PEX16: variants seen among roughly 807,000 people sequenced by gnomAD.
The protein encoded by PEX16 is peroxisomal biogenesis factor 16, also known as peroxin 16.
Under a neutral mutation model 50.5 loss-of-function variants are expected in PEX16, and 37 were observed. That is an observed-to-expected ratio of 0.73 (90% CI 0.56 to 0.96). The LOEUF is 0.96. Among genes scored for constraint, PEX16 ranks in the 40% least tolerant of loss-of-function variants. The pLI is 0.00. For missense variants in PEX16, 401 were observed against 438.3 expected (o/e 0.91, Z 0.76); for synonymous variants, 185 against 190.3 (o/e 0.97, Z 0.23).
chr11:45,915,014 CCT>C (rs2086819690), intron 5 of PEX16, among the ~76,000 whole-genome samples: 1 of 152,268 alleles, frequency 6.6e-6, no homozygotes, highest in Admixed American at 6.5e-5. Flanking sequence ...GGGGCCGTCT[CCT>C]CTCAATCCTT....
chr11:45,916,291 G>C lies in PEX16; in HGVS notation c.161C>G (p.Ser54Cys), dbSNP rs779628910. 1 of 1,613,780 alleles carries C rather than the reference G, an allele frequency of 6.2e-7. No homozygotes were observed. Among genetic ancestry groups the C allele is most frequent in the Admixed American group, 1.7e-5 (1 of 59,996 alleles). The change falls in exon 3 of 11, where the codon TCT becomes TGT. Residue 54 changes from serine (S) to cysteine (C), a missense_variant. By Grantham distance (112) the Ser-to-Cys change is moderately radical. Transcript: ENST00000378750. ...HELSELVYSA[S>C]NLLVLLNDGI... ...GTCATTGAGCAGCACAAGCAGGTTA[G>C]AGGCAGAGTACACTGAGGGGTAGAG...
At chr11:45,911,260 G>A (rs1159353835) in intron 9 of PEX16, among the ~76,000 whole-genome samples, 1 of 152,174 alleles carries the variant, frequency 6.6e-6, no homozygotes, top group Non-Finnish European at 1.5e-5. Context: ...CTAGAGGGTC[G>A]CATGTGGAGC....
chr11:45,914,377 G>C lies in PEX16; in HGVS notation c.633C>G (p.Thr211=). 1.9e-6 allele frequency: 3 copies of C among 1,610,712 alleles called. No homozygotes were observed. The Middle Eastern group carries it at 4.9e-4, about 266-fold the overall frequency. ...QHHEELSATP[T]PLGLQETIAE... ...CGATGGTCTCCTGCAGCCCCAGGGG[G>C]GTGGGGGTCGCACTCAGCTCCTCGT... Residue 211 remains threonine (T), a synonymous_variant, in exon 7 of 11, where the codon ACC becomes ACG. Transcript: ENST00000378750.
chr11:45,909,737 G>A lies in PEX16; in HGVS notation c.*517C>T. The A allele has an allele frequency of 2.7e-6, 1 of 372,024 alleles. No individual in the cohort carries two copies. Among genetic ancestry groups the A allele is most frequent in the Non-Finnish European group, 5.0e-6 (1 of 198,874 alleles). 23.0% of individuals were successfully genotyped at this position (372,024 alleles called of 1,614,324 possible). On this transcript the variant is annotated 3_prime_UTR_variant, in exon 11 of 11. Transcript: ENST00000378750. ...TAAAGTGCCACTTGCGTGGGAGCCA[G>A]GCTCACTGTTCACCAGGCTCTGTCA...
In PEX16 at chr11:45,917,494, C is replaced by T. The variant is rs752190759; in HGVS notation, c.113-1G>A. 1.2e-6 allele frequency: 2 copies of T among 1,614,124 alleles called. No individual in the cohort carries two copies. The highest frequency in any genetic ancestry group is 4.5e-5 in the East Asian group (2 of 44,886). On this transcript the variant is annotated splice_acceptor_variant, in intron 1 of 10. Coordinates refer to ENST00000378750, the MANE Select transcript of PEX16 (RefSeq NM_004813.4). LOFTEE classifies it high-confidence loss of function. ...AGCTCGTGCGAATCGGCGAATCGAC[C>T]TGGGGAGAGGGTACAGAAGGAGGTG...
chr11:45,918,049 C>T (rs978553976), upstream of PEX16: 6 of 594,500 alleles, frequency 1.0e-5, no homozygotes, highest in African/African-American at 1.1e-4. Context: ...CCCCTACTCC[C>T]TCAAGTCATT....
At chr11:45,912,567 G>A (rs1448426786) in intron 9 of PEX16, among the ~76,000 whole-genome samples, 4 of 152,088 alleles carry the variant, frequency 2.6e-5, no homozygotes, top group South Asian at 2.1e-4. Context: ...GCAGTCGCGC[G>A]ATCTCGACTC....
upstream of PEX16, chr11:45,918,401 A>G: frequency 5.6e-6 from 1 of 178,536 alleles, no homozygotes; most frequent in South Asian, 1.0e-4. Context: ...CGTTTCCTCA[A>G]CAAAGGTAGT....
Position 45,910,257 on chromosome 11 carries a change from G to A in PEX16, c.1008C>T (p.Gly336=), listed in dbSNP as rs1318441077. The stretch of plus-strand genomic sequence containing the variant: ...CACCCTCCTTCCGGGAGGTCTGTCA[G>A]CCCCAACTGTAGAAGTAGATTTTCT... The part of the protein sequence containing the change: ...TWQKIYFYSW[G] Residue 336 remains glycine, a synonymous_variant, in exon 11 of 11, where the codon GGC becomes GGT. Transcript: ENST00000378750. 1 of 1,613,570 alleles carries A rather than the reference G, an allele frequency of 6.2e-7. No individual in the cohort carries two copies. The highest frequency in any genetic ancestry group is 2.2e-5 in the East Asian group (1 of 44,874).
In PEX16 at chr11:45,915,708, C is replaced by T; in HGVS notation, c.354G>A (p.Leu118=). The T allele has an allele frequency of 6.2e-7, 1 of 1,614,096 alleles. No individual in the cohort carries two copies. The highest frequency in any genetic ancestry group is 8.5e-7 in the Non-Finnish European group (1 of 1,180,004). ...GRWLVIALVQ[L]AKAVLRMLLL... ...TCTCCACAATCCCAACCTACTTGGC[C>T]AGCTGGACGAGGGCGATGACAAGCC... Residue 118 remains leucine (L), a synonymous_variant, in exon 4 of 11, where the codon CTG becomes CTA. Coordinates refer to ENST00000378750, the MANE Select transcript of PEX16 (RefSeq NM_004813.4).
intron 3 of PEX16, 124 bp downstream of exon 3, chr11:45,916,103 A>T: frequency 1.2e-6 from 1 of 824,288 alleles, no homozygotes. Flanking sequence ...AGATGGTTTG[A>T]GGCTCAGATG....
intron 5 of PEX16, 114 bp from the exon 6 acceptor site, chr11:45,914,798 A>C: frequency 1.1e-6 from 1 of 894,686 alleles, no homozygotes; most frequent in South Asian, 1.3e-5. Flanking sequence ...ATGAGCTTGT[A>C]CTATGGCAAC....
chr11:45,914,175 C>A lies in PEX16; in HGVS notation c.723G>T (p.Arg241Ser). ...HLLSLGLWGQRSWKPWLLAGV... is the reference protein window; with the variant it reads ...HLLSLGLWGQSSWKPWLLAGV... Reference sequence around the variant, plus strand: ...CAGCCAAGAGCCAGGGTTTCCACGACCTCTGACCCCACAGGCCCAGGCTGA... The same window carrying A: ...CAGCCAAGAGCCAGGGTTTCCACGAACTCTGACCCCACAGGCCCAGGCTGA... The change falls in exon 8 of 11, where the codon AGG (arginine) becomes AGT (serine). Residue 241 changes from arginine (R) to serine (S), a missense_variant. Physicochemically the swap from Arg to Ser is moderately radical, Grantham distance 110. Transcript: ENST00000378750. 6.2e-7 allele frequency: 1 copy of A among 1,611,758 alleles called. No homozygotes were observed.
At chr11:45,913,661 C>T (rs1480727645) in intron 9 of PEX16, among the ~76,000 whole-genome samples, 158 bp downstream of exon 9, 9 of 152,186 alleles carry the variant, frequency 5.9e-5, no homozygotes, top group Admixed American at 6.5e-5. Flanking sequence ...GCTCTGCGGG[C>T]GGGACTGGGC....
chr11:45,912,854 A>G (rs1281067110), intron 9 of PEX16, among the ~76,000 whole-genome samples: 1 of 149,694 alleles, frequency 6.7e-6, no homozygotes, highest in Non-Finnish European at 1.5e-5. Flanking sequence ...TGAGACAGGG[A>G]CTTACTCTGT....
chr11:45,917,418 C>A, intron 2 of PEX16, 40 bp downstream of exon 2: 1 of 1,604,482 alleles, frequency 6.2e-7, no homozygotes, highest in Non-Finnish European at 8.5e-7. Context: ...AGGGGCCAGG[C>A]AGCCGATCCC....
rs2086772786 is a variant in PEX16 at position 45,910,964 on chromosome 11, T to C, written c.888-2A>G. 1.9e-6 allele frequency: 3 copies of C among 1,611,596 alleles called. No homozygotes were observed. The highest frequency in any genetic ancestry group is 1.1e-5 in the South Asian group (1 of 91,050). On this transcript the variant is annotated splice_acceptor_variant, in intron 9 of 10. Coordinates refer to ENST00000378750, the MANE Select transcript of PEX16 (RefSeq NM_004813.4). LOFTEE classifies it high-confidence loss of function. The stretch of plus-strand genomic sequence containing the variant: ...TGGAGCAGGAAGAGGATCCTGGCCC[T>C]GGGGGAGGCAATAAATGGGGAGCAA...
At chr11:45,918,409 A>C (rs574830411), upstream of PEX16, 18 of 177,006 alleles carry the variant, frequency 1.0e-4, no homozygotes, top group Admixed American at 9.7e-4. Flanking sequence ...CAACAAAGGT[A>C]GTGCTGGGGA....
intron 9 of PEX16, among the ~76,000 whole-genome samples, chr11:45,913,525 G>A (rs753407937): frequency 6.6e-6 from 1 of 152,276 alleles, no homozygotes; most frequent in Admixed American, 6.5e-5. Flanking sequence ...ATGAGCTAGA[G>A]GCCATGGGCG....
Sources: allele counts gnomAD v4.1 joint callset (sites outside exome capture counted in the v4.1 genomes callset), GRCh38; gene constraint gnomAD v4.1.1; transcripts MANE v1.5; gene names NCBI Gene and HGNC (gene_info 2026-07-23, HGNC 2026-07-21).